The following POLK variants were observed in gnomAD, a reference collection of about 807,000 sequenced individuals.
The protein encoded by POLK is DNA polymerase kappa, also known as polymerase (DNA directed) kappa.
In POLK, 76 loss-of-function variants were observed where a neutral mutation model predicts 94.0. That is an observed-to-expected ratio of 0.81 (90% CI 0.67 to 0.98). The LOEUF (loss-of-function observed/expected upper bound fraction) is 0.98, where lower values mean the gene tolerates loss of function less well. Among genes scored for constraint, POLK ranks in the 50% least tolerant of loss-of-function variants. The pLI, the probability that POLK is intolerant of heterozygous loss-of-function variation, is 0.00. For missense variants in POLK, 954 were observed against 1,010.1 expected (o/e 0.94, Z 0.75); for synonymous variants, 349 against 325.4 (o/e 1.07, Z -0.78).
chr5:75,579,334 C>A (rs1421886997), intron 6 of POLK, among the ~76,000 whole-genome samples: 1 of 151,952 alleles, frequency 6.6e-6, no homozygotes, highest in Admixed American at 6.6e-5. Context: ...CAGGTAGATA[C>A]CATTTCAATT....
chr5:75,587,898 T>G (rs1772556226), intron 10 of POLK, among the ~76,000 whole-genome samples: 1 of 152,110 alleles, frequency 6.6e-6, no homozygotes, highest in South Asian at 2.1e-4. Flanking sequence ...CCAGCCTAGG[T>G]GACAGAGTGA....
At chr5:75,511,969 G>T (rs900975270) in intron 1 of POLK, 55 bp downstream of exon 1, 2 of 682,990 alleles carry the variant, frequency 2.9e-6, no homozygotes, top group Non-Finnish European at 4.9e-6. Context: ...CAGTCGGTGG[G>T]TGGGCTTCGT....
At chr5:75,511,105 T>G (rs1767960968), upstream of POLK, 1 of 1,552,294 alleles carries the variant, frequency 6.4e-7, no homozygotes. Context: ...CACCAGGGGT[T>G]GCTCACCTTA....
chr5:75,521,734 CT>C (rs1481881142), intron 1 of POLK, among the ~76,000 whole-genome samples: 2 of 151,212 alleles, frequency 1.3e-5, no homozygotes, highest in Non-Finnish European at 2.9e-5. Flanking sequence ...GACATGTTTG[CT>C]TAGAGATTCT....
At chr5:75,511,937 G>C in intron 1 of POLK, 23 bp downstream of exon 1, 1 of 1,021,758 alleles carries the variant, frequency 9.8e-7, no homozygotes, top group Non-Finnish European at 1.4e-6. Context: ...CGCGGGGATC[G>C]CTTGTCCCCT....
At chr5:75,594,628 A>G (rs755151666) in intron 12 of POLK, among the ~76,000 whole-genome samples, 43 of 152,248 alleles carry the variant, frequency 2.8e-4, no homozygotes, top group Non-Finnish European at 5.0e-4. Context: ...GTTCAAACAC[A>G]TTAATATTTC....
intron 1 of POLK, among the ~76,000 whole-genome samples, chr5:75,535,907 G>A (rs5744572): frequency 0.077 from 11,700 of 152,136 alleles, 540 homozygotes; most frequent in South Asian, 0.17. Flanking sequence ...TCTCCTATAT[G>A]TCAGTGATCT....
chr5:75,607,042 A>G, the POLK span, among the ~76,000 whole-genome samples: 1 of 152,206 alleles, frequency 6.6e-6, no homozygotes, highest in African/African-American at 2.4e-5. Flanking sequence ...TAGTATCTCA[A>G]TTAAAAAGAT....
chr5:75,533,876 T>C (rs1277832118), intron 1 of POLK, among the ~76,000 whole-genome samples: 2 of 152,240 alleles, frequency 1.3e-5, no homozygotes, highest in Non-Finnish European at 2.9e-5. Context: ...ATTCCTGATT[T>C]GGCTGTCAGC....
chr5:75,514,958 G>T (rs769121384), intron 1 of POLK, among the ~76,000 whole-genome samples: 8 of 152,100 alleles, frequency 5.3e-5, no homozygotes, highest in Non-Finnish European at 8.8e-5. Context: ...TACATTCTAG[G>T]TGTGTTACAT....
At chr5:75,538,484 A>G (rs1580961228) in intron 1 of POLK, 1 of 152,124 alleles carries the variant, frequency 6.6e-6, no homozygotes, top group Admixed American at 6.5e-5. Flanking sequence ...TAAACCTTCC[A>G]TTAGTGTTTT....
At chr5:75,568,956 ATCAT>A (rs1344747683) in intron 3 of POLK, among the ~76,000 whole-genome samples, 1 of 152,174 alleles carries the variant, frequency 6.6e-6, no homozygotes, top group Non-Finnish European at 1.5e-5. Context: ...GTTGGATTAG[ATCAT>A]TCATTCATTA....
the POLK span, among the ~76,000 whole-genome samples, chr5:75,606,997 A>G: frequency 1.3e-5 from 2 of 152,202 alleles, no homozygotes; most frequent in Non-Finnish European, 2.9e-5. Context: ...CAAATCCTCT[A>G]TGGAAGAACT....
At chr5:75,560,613 C>T (rs1581021063) in intron 3 of POLK, among the ~76,000 whole-genome samples, 1 of 152,114 alleles carries the variant, frequency 6.6e-6, no homozygotes, top group African/African-American at 2.4e-5. Flanking sequence ...TGGTCTGCTG[C>T]ACCTATCAAC....
chr5:75,572,449 C>T (rs1771643935), intron 4 of POLK, among the ~76,000 whole-genome samples: 1 of 152,034 alleles, frequency 6.6e-6, no homozygotes, highest in African/African-American at 2.4e-5. Flanking sequence ...GAAAAGTTTA[C>T]TATTATACTA....
chr5:75,523,631 T>A (rs1215499966), intron 1 of POLK, among the ~76,000 whole-genome samples: 1 of 152,214 alleles, frequency 6.6e-6, no homozygotes, highest in Non-Finnish European at 1.5e-5. Flanking sequence ...AACAGGTACA[T>A]GATTCAAGCA....
At chr5:75,535,725 T>G (rs1016885339) in intron 1 of POLK, among the ~76,000 whole-genome samples, 3 of 152,204 alleles carry the variant, frequency 2.0e-5, no homozygotes, top group African/African-American at 7.2e-5. Context: ...GATTCTTTCC[T>G]TACCTTGGTG....
At chr5:75,511,024 T>C (rs184890415), upstream of POLK, 3 of 1,431,518 alleles carry the variant, frequency 2.1e-6, no homozygotes, top group Non-Finnish European at 2.7e-6. Flanking sequence ...GTTCCGCGCC[T>C]CCCGCCAGCC....
intron 1 of POLK, among the ~76,000 whole-genome samples, chr5:75,520,633 A>G (rs983535855): frequency 2.0e-5 from 3 of 152,222 alleles, no homozygotes; most frequent in African/African-American, 7.2e-5. Flanking sequence ...TCCTGGCCTC[A>G]GGCAGTCCTC....
Sources: allele counts gnomAD v4.1 joint callset (sites outside exome capture counted in the v4.1 genomes callset), GRCh38; gene constraint gnomAD v4.1.1; transcripts MANE v1.5; gene names NCBI Gene and HGNC (gene_info 2026-07-23, HGNC 2026-07-21).